Variants in EDN1 observed in about 807,000 individuals in gnomAD.
The protein encoded by EDN1 is endothelin 1.
In EDN1, 11 loss-of-function variants were observed where a neutral mutation model predicts 21.7. The observed-to-expected ratio is 0.51, with a 90% confidence interval of 0.32 to 0.84. The LOEUF (loss-of-function observed/expected upper bound fraction) is 0.84, where lower values mean the gene tolerates loss of function less well. EDN1 is among the 40% of genes least tolerant of loss of function. The pLI, the probability that EDN1 is intolerant of heterozygous loss-of-function variation, is 0.03. For synonymous variants in EDN1, 85 were observed against 90.6 expected, an observed-to-expected ratio of 0.94 and a Z score of 0.35; for missense variants, 244 against 262.3, an observed-to-expected ratio of 0.93 and a Z score of 0.48.
At chr6:12,260,040 T>C in the EDN1 span, among the ~76,000 whole-genome samples, 1 of 152,206 alleles carries the variant, frequency 6.6e-6, no homozygotes, top group South Asian at 2.1e-4. Context: ...ATTTATTTAG[T>C]ACATTTGTTC....
At chr6:12,246,757 C>T in the EDN1 span, among the ~76,000 whole-genome samples, 2 of 151,186 alleles carry the variant, frequency 1.3e-5, no homozygotes, top group Admixed American at 1.3e-4. Flanking sequence ...GAGGAAAGAA[C>T]CCTGGATCAT....
At chr6:12,243,393 G>A in the EDN1 span, among the ~76,000 whole-genome samples, 61 of 151,954 alleles carry the variant, frequency 4.0e-4, no homozygotes, top group African/African-American at 1.4e-3. Context: ...GGAGGAGGTG[G>A]GAGGGAGGCA....
chr6:12,293,863 T>C, intron 2 of EDN1, 78 bp from the exon 3 acceptor site: 1 of 1,529,630 alleles, frequency 6.5e-7, no homozygotes, highest in Non-Finnish European at 9.0e-7. Flanking sequence ...GTGTGCCCAG[T>C]GGAATAGGTG....
the EDN1 span, among the ~76,000 whole-genome samples, chr6:12,270,998 C>A: frequency 3.3e-5 from 5 of 152,110 alleles, no homozygotes; most frequent in African/African-American, 1.2e-4. Context: ...ATGTACTACT[C>A]CTGCTCTCTT....
chr6:12,256,823 A>G, the EDN1 span, among the ~76,000 whole-genome samples: 5 of 152,260 alleles, frequency 3.3e-5, no homozygotes, highest in Non-Finnish European at 7.3e-5. Flanking sequence ...GTCAAATAAA[A>G]TAATCATTAA....
At chr6:12,254,331 G>A in the EDN1 span, among the ~76,000 whole-genome samples, 6 of 152,092 alleles carry the variant, frequency 3.9e-5, no homozygotes, top group African/African-American at 1.4e-4. Flanking sequence ...AATTCCTATT[G>A]AGTTTAGACA....
chr6:12,273,469 T>C, the EDN1 span, among the ~76,000 whole-genome samples: 1 of 152,186 alleles, frequency 6.6e-6, no homozygotes, highest in South Asian at 2.1e-4. Flanking sequence ...CTAAATCATT[T>C]GGATGATTTA....
At chr6:12,248,652 CA>C in the EDN1 span, among the ~76,000 whole-genome samples, 36,355 of 152,094 alleles carry the variant, frequency 0.24, 5,203 homozygotes, top group Non-Finnish European at 0.32. Context: ...AATTTTGATA[CA>C]TTACACTAAG....
At chr6:12,252,273 G>T in the EDN1 span, among the ~76,000 whole-genome samples, 2 of 152,188 alleles carry the variant, frequency 1.3e-5, no homozygotes, top group African/African-American at 4.8e-5. Flanking sequence ...GTTCTAATAG[G>T]ACTCTGTTGC....
chr6:12,267,203 C>T, the EDN1 span, among the ~76,000 whole-genome samples: 1 of 152,132 alleles, frequency 6.6e-6, no homozygotes, highest in African/African-American at 2.4e-5. Flanking sequence ...CACTTCTTAT[C>T]TCTGTGTCAC....
chr6:12,241,180 T>A, the EDN1 span, among the ~76,000 whole-genome samples: 5 of 150,966 alleles, frequency 3.3e-5, no homozygotes, highest in Admixed American at 1.3e-4. Context: ...TTTTTTTTTT[T>A]ATTGAGATGG....
At chr6:12,242,841 G>A in the EDN1 span, among the ~76,000 whole-genome samples, 5 of 152,170 alleles carry the variant, frequency 3.3e-5, no homozygotes, top group African/African-American at 1.2e-4. Flanking sequence ...TAACCATTAT[G>A]ATTCTCATGA....
the EDN1 span, among the ~76,000 whole-genome samples, chr6:12,244,057 A>T: frequency 1.3e-5 from 2 of 152,138 alleles, no homozygotes; most frequent in Admixed American, 6.5e-5. Context: ...TCCTCTAAAA[A>T]GTATTGAGGA....
the EDN1 span, among the ~76,000 whole-genome samples, chr6:12,242,206 C>G: frequency 6.6e-6 from 1 of 152,140 alleles, no homozygotes; most frequent in Non-Finnish European, 1.5e-5. Flanking sequence ...TTGAGGGTGT[C>G]GCCCAACAGT....
the EDN1 span, among the ~76,000 whole-genome samples, chr6:12,265,426 G>T: frequency 4.0e-3 from 616 of 152,230 alleles, 8 homozygotes; most frequent in African/African-American, 0.014. Flanking sequence ...ATCAGGGTGT[G>T]GTCTAACCCA....
At chr6:12,258,982 G>A in the EDN1 span, among the ~76,000 whole-genome samples, 1 of 152,090 alleles carries the variant, frequency 6.6e-6, no homozygotes, top group Non-Finnish European at 1.5e-5. Context: ...AAATGTTAAT[G>A]ACATTTATAA....
At chr6:12,243,742 G>A in the EDN1 span, among the ~76,000 whole-genome samples, 4 of 152,312 alleles carry the variant, frequency 2.6e-5, no homozygotes, top group East Asian at 7.7e-4. Context: ...AAAGCCTATA[G>A]TTAGCAAGAA....
chr6:12,254,361 T>C, the EDN1 span, among the ~76,000 whole-genome samples: 12 of 152,322 alleles, frequency 7.9e-5, no homozygotes, highest in African/African-American at 2.9e-4. Context: ...CTTGTAAACC[T>C]TTCCTCACTC....
At chr6:12,273,585 A>G in the EDN1 span, among the ~76,000 whole-genome samples, 1 of 148,372 alleles carries the variant, frequency 6.7e-6, no homozygotes, top group East Asian at 2.0e-4. Flanking sequence ...TGAGAGATGC[A>G]CTAGAATTGT....
Sources: gnomAD v4.1 joint callset for allele counts (sites outside exome capture counted in the v4.1 genomes callset) on GRCh38, gnomAD v4.1.1 for gene constraint, MANE v1.5 for transcripts, NCBI Gene and HGNC (gene_info 2026-07-23, HGNC 2026-07-21) for gene names.